The following CEP89 variants were observed in gnomAD, a reference collection of about 807,000 sequenced individuals.
CEP89 encodes the protein centrosomal protein of 89 kDa.
CEP89 carries 95 observed loss-of-function variants against 97.6 expected under a neutral mutation model. The observed-to-expected ratio is 0.97, with a 90% CI of 0.82 to 1.15. The LOEUF is 1.15. CEP89 is among the 50% of genes most tolerant of loss of function. The pLI, the probability that CEP89 is intolerant of heterozygous loss-of-function variation, is 0.00. For synonymous variants in CEP89, 354 were observed against 349.1 expected, an observed-to-expected ratio of 1.01 and a Z score of -0.16; for missense variants, 869 against 947.7, an observed-to-expected ratio of 0.92 and a Z score of 1.09.
chr19:32,950,565 C>A (rs1970889974), intron 4 of CEP89, among the ~76,000 whole-genome samples: 1 of 152,086 alleles, frequency 6.6e-6, no homozygotes, highest in Non-Finnish European at 1.5e-5. Context: ...CCCCCTTCAC[C>A]CCCACAAAAA....
rs919082612 is a variant in CEP89 at position 32,876,439 on chromosome 19, G to A, written c.*2723C>T. 3.3e-5 allele frequency: 5 copies of A among 152,934 alleles called. No individual in the cohort carries two copies. In the South Asian group the frequency reaches 6.2e-4, roughly 19 times the overall value. The allele number at this position is 152,934 out of a possible 1,614,324, so 9.5% of individuals were successfully genotyped here. ...AGACACTTGCAGCATGGGGAAGGAG[G>A]AGCCCCTCCCAGCAGACCCAGTTCT... is the stretch of plus-strand genomic sequence containing the variant. On this transcript the variant is annotated 3_prime_UTR_variant, in exon 19 of 19. Coordinates refer to ENST00000305768, the MANE Select transcript of CEP89 (RefSeq NM_032816.5).
Position 32,936,144 on chromosome 19 carries a change from T to C in CEP89, c.667+1487A>G, listed in dbSNP as rs1970576227. Among the ~76,000 whole-genome samples, 1 of 152,154 alleles carries C rather than the reference T, an allele frequency of 6.6e-6. No individual in the cohort carries two copies. The highest frequency in any genetic ancestry group is 1.5e-5 in the Non-Finnish European group (1 of 68,008). ...CTTATGGGTGTTTGCTCTAGCTGCCTGGTCTCTCCCTGCTCCTGGTGCCTG... is the reference window on the plus strand; with the variant it reads ...CTTATGGGTGTTTGCTCTAGCTGCCCGGTCTCTCCCTGCTCCTGGTGCCTG... On this transcript the variant is annotated intron_variant, in intron 7 of 18. Transcript: ENST00000305768. The surrounding 1 kb of genome is among the most constrained non-coding windows in gnomAD (Gnocchi z 4.5).
Position 32,950,413 on chromosome 19 carries a change from C to G in CEP89, c.493-2045G>C, listed in dbSNP as rs148790328. Among the ~76,000 whole-genome samples the G allele has an allele frequency of 5.4e-3, 828 of 152,152 alleles. 6 individuals carry two copies. Among genetic ancestry groups the G allele is most frequent in the Non-Finnish European group, 7.7e-3 (522 of 68,016 alleles). ...GTCTCTACTAAAAATATAAAATTAG[C>G]CAGGTGTGGTGGCACATGCCTGTAA... is the stretch of plus-strand genomic sequence containing the variant. On this transcript the variant is annotated intron_variant, in intron 4 of 18. Coordinates refer to ENST00000305768, the MANE Select transcript of CEP89 (RefSeq NM_032816.5).
intron 4 of CEP89, among the ~76,000 whole-genome samples, chr19:32,951,978 A>G (rs12459167): frequency 0.13 from 19,397 of 152,104 alleles, 1,449 homozygotes; most frequent in South Asian, 0.29. Context: ...GCGGGTGAGG[A>G]GCAGTGGGAC....
intron 2 of CEP89, among the ~76,000 whole-genome samples, chr19:32,965,202 C>T (rs898210144): frequency 7.2e-5 from 11 of 152,126 alleles, no homozygotes; most frequent in African/African-American, 2.2e-4. Flanking sequence ...AGTTCAAGAC[C>T]AACTTGGGCA....
intron 5 of CEP89, among the ~76,000 whole-genome samples, chr19:32,941,692 CCTT>C (rs1171895563): frequency 1.3e-5 from 2 of 152,092 alleles, no homozygotes; most frequent in East Asian, 1.9e-4. Context: ...CCTGCCCTGT[CCTT>C]CTGAGTTCAG....
intron 14 of CEP89, among the ~76,000 whole-genome samples, chr19:32,910,225 C>A (rs1599730510): frequency 6.7e-6 from 1 of 149,624 alleles, no homozygotes; most frequent in African/African-American, 2.5e-5. Flanking sequence ...CGTGCCACTG[C>A]ACTATTCCAG....
intron 5 of CEP89, among the ~76,000 whole-genome samples, chr19:32,946,682 C>G (rs1401218824): frequency 1.3e-5 from 2 of 152,214 alleles, no homozygotes; most frequent in South Asian, 4.2e-4. Flanking sequence ...CCATACTGTT[C>G]TCGTGGTAGT....
At chr19:32,906,869 T>C (rs1378254727) in intron 14 of CEP89, among the ~76,000 whole-genome samples, 1 of 152,178 alleles carries the variant, frequency 6.6e-6, no homozygotes, top group East Asian at 1.9e-4. Flanking sequence ...TCAAATCCAC[T>C]ATGTCATGTT....
chr19:32,935,352 C>T (rs1970557813), intron 7 of CEP89, among the ~76,000 whole-genome samples: 1 of 152,184 alleles, frequency 6.6e-6, no homozygotes, highest in Admixed American at 6.5e-5. Flanking sequence ...ACAGCAGAGC[C>T]AGAGAACACC....
chr19:32,877,517 A>G lies in CEP89; in HGVS notation c.*1645T>C, dbSNP rs931665603. 1 of 151,916 alleles carries G rather than the reference A, an allele frequency of 6.6e-6. No homozygotes were observed. The highest frequency in any genetic ancestry group is 1.5e-5 in the Non-Finnish European group (1 of 68,142). 9.4% of individuals were successfully genotyped at this position (151,916 alleles called of 1,614,324 possible). ...TGGCACGTCATCTAACACACATGGG[A>G]CAGAACCATGGCCCCCTGGTATGCT... On this transcript the variant is annotated 3_prime_UTR_variant, in exon 19 of 19. Coordinates refer to ENST00000305768, the MANE Select transcript of CEP89 (RefSeq NM_032816.5).
intron 3 of CEP89, 131 bp from the exon 4 acceptor site, chr19:32,953,932 A>C: frequency 1.6e-6 from 1 of 630,438 alleles, no homozygotes; most frequent in Non-Finnish European, 2.7e-6. Flanking sequence ...GCAGTGGCAC[A>C]ATCTCGGCTC....
chr19:32,909,080 T>G (rs1969947331), intron 14 of CEP89, among the ~76,000 whole-genome samples: 1 of 152,248 alleles, frequency 6.6e-6, no homozygotes, highest in African/African-American at 2.4e-5. Flanking sequence ...GGCTTTGGAT[T>G]GGACTGGCGG....
rs769364165 is a variant in CEP89, at chr19:32,930,604, A to G, written c.1029+825T>C. ...CTTCTACCCCAGCAAGAGCCCAGCC[A>G]GCGGTGCCTCCCTCTCCTGTGTCCA... On this transcript the variant is annotated intron_variant, in intron 9 of 18. Transcript: ENST00000305768. Among the ~76,000 whole-genome samples the G allele has an allele frequency of 3.4e-4, 51 of 152,084 alleles. 1 individual carries two copies. Among genetic ancestry groups the G allele is most frequent in the Admixed American group, 1.0e-3 (16 of 15,268 alleles).
At position 32,901,343 on chromosome 19, in the gene CEP89, C is replaced by T. The variant is rs1392640130; in HGVS notation, c.1635G>A (p.Leu545=). 3.1e-6 allele frequency: 5 copies of T among 1,614,196 alleles called. No individual in the cohort carries two copies. The highest frequency in any genetic ancestry group is 1.6e-4 in the Middle Eastern group (1 of 6,062). The part of the protein sequence containing the change: ...MEELMEKLTV[L]QAQKKSLLLE... ...ACAGCAGGCTCTTCTTCTGCGCTTG[C>T]AGGACTGTCAGCTTCTCCATCAACT... Residue 545 remains leucine, a synonymous_variant, in exon 15 of 19, where the codon CTG becomes CTA. Coordinates refer to ENST00000305768, the MANE Select transcript of CEP89 (RefSeq NM_032816.5).
At chr19:32,924,629 A>G (rs1000659662) in intron 11 of CEP89, among the ~76,000 whole-genome samples, 6 of 152,192 alleles carry the variant, frequency 3.9e-5, no homozygotes, top group African/African-American at 1.4e-4. Flanking sequence ...AGCACTGCCA[A>G]GTAACTTCTC....
chr19:32,900,060 T>A, intron 15 of CEP89, 62 bp from the exon 16 acceptor site: 1 of 1,474,512 alleles, frequency 6.8e-7, no homozygotes, highest in South Asian at 1.2e-5. Context: ...TAGGGCATGG[T>A]GAATATCTGT....
At chr19:32,935,533 A>T (rs1027809098) in intron 7 of CEP89, among the ~76,000 whole-genome samples, 1 of 152,240 alleles carries the variant, frequency 6.6e-6, no homozygotes, top group Non-Finnish European at 1.5e-5. Flanking sequence ...ACATCATGAA[A>T]AATGAATGCA....
In CEP89 at chr19:32,936,538, G is replaced by C. The variant is rs1268267688; in HGVS notation, c.667+1093C>G. 6.6e-6 allele frequency among the ~76,000 whole-genome samples: 1 copy of C among 152,142 alleles called. No homozygotes were observed. Among genetic ancestry groups the C allele is most frequent in the Non-Finnish European group, 1.5e-5 (1 of 68,012 alleles). On this transcript the variant is annotated intron_variant, in intron 7 of 18. Coordinates refer to ENST00000305768, the MANE Select transcript of CEP89 (RefSeq NM_032816.5). This position sits in a 1 kb window ranked among gnomAD's most constrained non-coding sequence, Gnocchi z 4.5. Reference sequence around the variant, plus strand: ...CCGTGGGACTGCAGTAGGAACTTATGGTGCCTTTTCCAGGCCCACCCATGG... The same window carrying C: ...CCGTGGGACTGCAGTAGGAACTTATCGTGCCTTTTCCAGGCCCACCCATGG...
Sources: gnomAD v4.1 joint callset for allele counts (sites outside exome capture counted in the v4.1 genomes callset) on GRCh38, gnomAD v4.1.1 for gene constraint, Gnocchi (gnomAD v3.1) non-coding constraint, MANE v1.5 for transcripts, NCBI Gene and HGNC (gene_info 2026-07-23, HGNC 2026-07-21) for gene names.